PSMD9: variants seen among roughly 807,000 people sequenced by gnomAD.
PSMD9 encodes the protein proteasome 26S subunit, non-ATPase 9.
PSMD9 carries 26 observed loss-of-function variants against 25.9 expected under a neutral mutation model. That is an observed-to-expected ratio of 1.00 (90% CI 0.73 to 1.39). The LOEUF (loss-of-function observed/expected upper bound fraction) is 1.39. Among genes scored for constraint, PSMD9 ranks in the 40% most tolerant of loss-of-function variants. The pLI, the probability that PSMD9 is intolerant of heterozygous loss-of-function variation, is 0.00. For missense variants in PSMD9, 303 were observed against 299.3 expected, an observed-to-expected ratio of 1.01 and a Z score of -0.09; for synonymous variants, 110 against 114.5, an observed-to-expected ratio of 0.96 and a Z score of 0.25.
intron 1 of PSMD9, among the ~76,000 whole-genome samples, chr12:121,891,653 C>A (rs1407089229): frequency 1.3e-5 from 2 of 150,862 alleles, no homozygotes; most frequent in Admixed American, 1.3e-4. Context: ...CGTCTGTAAT[C>A]CCAGCACTTT....
intron 4 of PSMD9, among the ~76,000 whole-genome samples, chr12:121,911,853 A>G (rs1292860899): frequency 3.3e-5 from 5 of 151,652 alleles, no homozygotes; most frequent in Admixed American, 1.3e-4. Flanking sequence ...GGGTTTCACC[A>G]TGTTGACCAG....
At chr12:121,911,076 G>A in intron 4 of PSMD9, 1 of 446,516 alleles carries the variant, frequency 2.2e-6, no homozygotes, top group Non-Finnish European at 4.5e-6. Context: ...GTCTCGCTCT[G>A]TTGCCCAGGC....
At chr12:121,906,210 C>G (rs1281645995) in intron 4 of PSMD9, among the ~76,000 whole-genome samples, 1 of 151,708 alleles carries the variant, frequency 6.6e-6, no homozygotes, top group Non-Finnish European at 1.5e-5. Context: ...ACGGGGAATT[C>G]CAAGATGTCA....
chr12:121,916,052 C>G (rs113182749), intron 5 of PSMD9, 108 bp downstream of exon 5: 5 of 1,295,090 alleles, frequency 3.9e-6, no homozygotes, highest in Non-Finnish European at 4.4e-6. Flanking sequence ...ATGGGAATCC[C>G]CAGTTTGCAT....
Position 121,916,325 on chromosome 12 carries a change from A to G in PSMD9, c.*14A>G, listed in dbSNP as rs201745629. 781 of 1,613,582 alleles carry G rather than the reference A, an allele frequency of 4.8e-4. 8 individuals carry two copies. The Middle Eastern group carries it at 0.012, about 25-fold the overall frequency. ...CTGCAAAGATGATTGTCCCTGGGGAACAGTAACAGGAAAGCATCTTCCCTT... is the reference window on the plus strand; with the variant it reads ...CTGCAAAGATGATTGTCCCTGGGGAGCAGTAACAGGAAAGCATCTTCCCTT... On this transcript the variant is annotated 3_prime_UTR_variant, in exon 6 of 6. Transcript: ENST00000541212.
rs552301874 is a variant in PSMD9, at chr12:121,913,196, G to A, written c.556-2660G>A. ...CCTGACTTTGTGATCTGCCCACCTTGGCCTCCCAAAGTGCTGGGATTACAG... is the reference window on the plus strand; with the variant it reads ...CCTGACTTTGTGATCTGCCCACCTTAGCCTCCCAAAGTGCTGGGATTACAG... On this transcript the variant is annotated intron_variant, in intron 4 of 5. Transcript: ENST00000541212. 1.1e-4 allele frequency among the ~76,000 whole-genome samples: 16 copies of A among 151,964 alleles called. No individual in the cohort carries two copies. In the South Asian group the frequency reaches 1.5e-3, roughly 14 times the overall value.
intron 1 of PSMD9, among the ~76,000 whole-genome samples, chr12:121,889,606 A>G (rs939159588): frequency 1.3e-5 from 2 of 152,200 alleles, no homozygotes; most frequent in Non-Finnish European, 2.9e-5. Context: ...GTTTGAGGCA[A>G]GGGAGCAGAT....
chr12:121,897,817 CG>C (rs1370038127), intron 2 of PSMD9: 1 of 152,222 alleles, frequency 6.6e-6, no homozygotes, highest in African/African-American at 2.4e-5. Context: ...CATGAGCCAC[CG>C]CGCCCAGCTA....
In PSMD9 at chr12:121,915,945, G is replaced by C; in HGVS notation, c.644+1G>C. 6.2e-7 allele frequency: 1 copy of C among 1,612,972 alleles called. No homozygotes were observed. The highest frequency in any genetic ancestry group is 1.1e-5 in the South Asian group (1 of 90,980). ...GCTGGGCAGGAAAAGGACTGCTGGG[G>C]TAAAGTATCTGTTTCTGTTCATTCT... is the stretch of plus-strand genomic sequence containing the variant. On this transcript the variant is annotated splice_donor_variant, in intron 5 of 5. Transcript: ENST00000541212. LOFTEE classifies it high-confidence loss of function.
Position 121,916,811 on chromosome 12 carries a change from A to G in PSMD9, c.*500A>G, listed in dbSNP as rs1484655768. 6.3e-6 allele frequency: 1 copy of G among 159,826 alleles called. No homozygotes were observed. The highest frequency in any genetic ancestry group is 1.4e-5 in the Non-Finnish European group (1 of 71,762). 9.9% of individuals were successfully genotyped at this position (159,826 alleles called of 1,614,324 possible). On this transcript the variant is annotated 3_prime_UTR_variant, in exon 6 of 6. Coordinates refer to ENST00000541212, the MANE Select transcript of PSMD9 (RefSeq NM_002813.7). ...AGGCCTTGCTGCTGTGGATACGGAA[A>G]TGGTTAAGTACTGTGCTTCCTCAGC...
rs370872750 is a variant in PSMD9 at position 121,899,856 on chromosome 12, G to C, written c.453+11G>C. The C allele has an allele frequency of 6.2e-7, 1 of 1,613,826 alleles. No individual in the cohort carries two copies. Among genetic ancestry groups the C allele is most frequent in the Non-Finnish European group, 8.5e-7 (1 of 1,179,836 alleles). On this transcript the variant is annotated intron_variant, in intron 3 of 5. Transcript: ENST00000541212. ...CCAGCCAGCATCGCGGTAATCCAGGGGTTGGCCACTCAAGTCCATGCCCAG... is the reference window on the plus strand; with the variant it reads ...CCAGCCAGCATCGCGGTAATCCAGGCGTTGGCCACTCAAGTCCATGCCCAG...
At chr12:121,903,752 CTTTTT>C (rs11300031) in intron 4 of PSMD9, among the ~76,000 whole-genome samples, 1 of 123,492 alleles carries the variant, frequency 8.1e-6, no homozygotes, top group Non-Finnish European at 1.7e-5. Flanking sequence ...GAGATCTTTT[CTTTTT>C]TTTTTTTTTT....
chr12:121,889,610 A>G (rs1451874873), intron 1 of PSMD9, among the ~76,000 whole-genome samples: 1 of 152,174 alleles, frequency 6.6e-6, no homozygotes, highest in Non-Finnish European at 1.5e-5. Flanking sequence ...GAGGCAAGGG[A>G]GCAGATTCTG....
intron 4 of PSMD9, among the ~76,000 whole-genome samples, chr12:121,903,694 T>A (rs1879466332): frequency 6.6e-6 from 1 of 151,420 alleles, no homozygotes; most frequent in Non-Finnish European, 1.5e-5. Flanking sequence ...TAACCCAAAT[T>A]CCCCTCTCCT....
At chr12:121,895,529 G>A (rs909705257) in intron 2 of PSMD9, among the ~76,000 whole-genome samples, 1 of 152,142 alleles carries the variant, frequency 6.6e-6, no homozygotes, top group African/African-American at 2.4e-5. Flanking sequence ...TAAAATCAAG[G>A]TGTTGGCAGG....
At chr12:121,904,499 A>C (rs1879494202) in intron 4 of PSMD9, among the ~76,000 whole-genome samples, 1 of 150,720 alleles carries the variant, frequency 6.6e-6, no homozygotes, top group African/African-American at 2.5e-5. Context: ...GCTTGAACCC[A>C]GGAGGCAGAG....
chr12:121,901,800 C>T (rs1304017404), intron 3 of PSMD9, among the ~76,000 whole-genome samples: 8 of 151,568 alleles, frequency 5.3e-5, no homozygotes, highest in South Asian at 2.1e-4. Context: ...CTCATCCTCC[C>T]GAGTAGCTGG....
intron 4 of PSMD9, among the ~76,000 whole-genome samples, chr12:121,908,898 G>GGA (rs1879636254): frequency 6.6e-6 from 1 of 152,128 alleles, no homozygotes; most frequent in Non-Finnish European, 1.5e-5. Context: ...AGAGCAGAAT[G>GGA]GAGAGAAGGG....
intron 3 of PSMD9, among the ~76,000 whole-genome samples, chr12:121,900,236 C>T (rs1272097484): frequency 6.6e-6 from 1 of 152,128 alleles, no homozygotes; most frequent in Non-Finnish European, 1.5e-5. Flanking sequence ...AGGCTGGGCA[C>T]AGTGGCTCAT....
Sources: gnomAD v4.1 joint callset for allele counts (sites outside exome capture counted in the v4.1 genomes callset) on GRCh38, gnomAD v4.1.1 for gene constraint, MANE v1.5 for transcripts, NCBI Gene and HGNC (gene_info 2026-07-23, HGNC 2026-07-21) for gene names.